PLCH1: variants seen among roughly 807,000 people sequenced by gnomAD.
PLCH1 encodes the protein 1-phosphatidylinositol 4,5-bisphosphate phosphodiesterase eta-1.
PLCH1 carries 60 observed loss-of-function variants against 126.7 expected under a neutral mutation model. The observed-to-expected ratio is 0.47, with a 90% CI of 0.38 to 0.59. PLCH1 has a LOEUF of 0.59. PLCH1 is among the 20% of genes least tolerant of loss of function. PLCH1 has a pLI of 0.00. For synonymous variants in PLCH1, 719 were observed against 734.9 expected (o/e 0.98, Z 0.35); for missense variants, 1,723 against 2,040.0 (o/e 0.84, Z 2.99).
At chr3:155,625,278 A>AC (rs1314546785) in intron 2 of PLCH1, among the ~76,000 whole-genome samples, 1 of 152,192 alleles carries the variant, frequency 6.6e-6, no homozygotes, top group Non-Finnish European at 1.5e-5. Context: ...AAGATCTAAA[A>AC]CCATAAAAAC....
intron 1 of PLCH1, among the ~76,000 whole-genome samples, chr3:155,710,343 T>C (rs1461227022): frequency 6.6e-6 from 1 of 152,222 alleles, no homozygotes; most frequent in Non-Finnish European, 1.5e-5. Context: ...CTTTATCAGA[T>C]ACATCTCTTG....
intron 1 of PLCH1, among the ~76,000 whole-genome samples, chr3:155,737,834 A>G (rs146180192): frequency 6.6e-6 from 1 of 152,240 alleles, no homozygotes; most frequent in African/African-American, 2.4e-5. Flanking sequence ...CAGAAGTTTT[A>G]TTAGCACTCC....
intron 8 of PLCH1, among the ~76,000 whole-genome samples, chr3:155,561,283 C>G (rs1267226451): frequency 3.9e-5 from 5 of 129,260 alleles, no homozygotes; most frequent in African/African-American, 1.4e-4. Context: ...CCCTCCCCCC[C>G]TCCCCCCACC....
At chr3:155,564,573 A>G (rs1045960739) in intron 8 of PLCH1, among the ~76,000 whole-genome samples, 1 of 152,074 alleles carries the variant, frequency 6.6e-6, no homozygotes, top group Non-Finnish European at 1.5e-5. Flanking sequence ...CAAAAAAAAT[A>G]AAAAATTAAA....
intron 6 of PLCH1, among the ~76,000 whole-genome samples, chr3:155,577,214 G>A (rs1055369338): frequency 4.6e-5 from 7 of 151,976 alleles, no homozygotes; most frequent in African/African-American, 1.2e-4. Context: ...ATCCATGATC[G>A]CACCCACTGC....
At chr3:155,640,529 A>T (rs1043467879) in intron 2 of PLCH1, among the ~76,000 whole-genome samples, 3 of 152,190 alleles carry the variant, frequency 2.0e-5, no homozygotes, top group Non-Finnish European at 4.4e-5. Context: ...ATGGAGGAAG[A>T]TTGCAATTAG....
intron 10 of PLCH1, among the ~76,000 whole-genome samples, chr3:155,544,549 T>A (rs2108414111): frequency 6.6e-6 from 1 of 152,324 alleles, no homozygotes; most frequent in East Asian, 1.9e-4. Context: ...AATAGACATC[T>A]ACAGAACTCT....
rs116461172 is a variant in PLCH1 at position 155,618,846 on chromosome 3, G to A, written c.80-22468C>T. On this transcript the variant is annotated intron_variant, in intron 2 of 22. Coordinates refer to ENST00000460012, the MANE Select transcript of PLCH1 (RefSeq NM_014996.4). ...TTGCCACAGGCCAGACCACCAAGTG[G>A]CCCATTACCCAAGATAACCATTGCA... 6.5e-3 allele frequency among the ~76,000 whole-genome samples: 985 copies of A among 152,174 alleles called. 16 individuals are homozygous for A. The highest frequency in any genetic ancestry group is 0.022 in the African/African-American group (931 of 41,514).
At chr3:155,559,389 TCAAATC>T (rs1727280527) in intron 8 of PLCH1, among the ~76,000 whole-genome samples, 1 of 151,652 alleles carries the variant, frequency 6.6e-6, no homozygotes, top group Non-Finnish European at 1.5e-5. Context: ...TACAATACAT[TCAAATC>T]CAAGGTGACA....
intron 21 of PLCH1, among the ~76,000 whole-genome samples, chr3:155,461,664 A>G (rs1712732783): frequency 6.6e-6 from 1 of 152,190 alleles, no homozygotes; most frequent in African/African-American, 2.4e-5. Flanking sequence ...CCTTGAGTCA[A>G]TTCAAAGAGA....
At chr3:155,594,297 C>T in intron 3 of PLCH1, 113 bp from the exon 4 acceptor site, 1 of 1,019,254 alleles carries the variant, frequency 9.8e-7, no homozygotes, top group Admixed American at 2.3e-5. Flanking sequence ...AAGTATGAGG[C>T]TGGGTGCTCA....
intron 10 of PLCH1, among the ~76,000 whole-genome samples, chr3:155,525,501 C>G (rs1721779292): frequency 6.6e-6 from 1 of 152,140 alleles, no homozygotes; most frequent in Non-Finnish European, 1.5e-5. Flanking sequence ...ACAAGTTGCC[C>G]AGTCCAAGGT....
intron 1 of PLCH1, among the ~76,000 whole-genome samples, chr3:155,713,269 AG>A (rs1327890673): frequency 6.6e-6 from 1 of 152,196 alleles, no homozygotes; most frequent in Non-Finnish European, 1.5e-5. Flanking sequence ...GAGAAGAGAC[AG>A]GAGGAGACAA....
chr3:155,602,562 T>C (rs185299404), intron 2 of PLCH1, among the ~76,000 whole-genome samples: 3 of 152,280 alleles, frequency 2.0e-5, no homozygotes, highest in East Asian at 1.9e-4. Context: ...CAGACCTAGA[T>C]TGCATAGCCT....
intron 6 of PLCH1, among the ~76,000 whole-genome samples, chr3:155,575,270 C>G (rs1729768575): frequency 6.6e-6 from 1 of 152,030 alleles, no homozygotes; most frequent in African/African-American, 2.4e-5. Flanking sequence ...GCAAAAGAGA[C>G]TATAATTATT....
intron 11 of PLCH1, among the ~76,000 whole-genome samples, chr3:155,520,413 G>A (rs979303382): frequency 5.9e-5 from 9 of 152,200 alleles, no homozygotes; most frequent in African/African-American, 2.2e-4. Flanking sequence ...ATTGCTACAT[G>A]TCACTGCACC....
chr3:155,596,274 G>A lies in PLCH1; in HGVS notation c.184C>T (p.Arg62Cys), dbSNP rs746401707. The A allele has an allele frequency of 1.8e-5, 29 of 1,613,022 alleles. No individual in the cohort carries two copies. Among genetic ancestry groups the A allele is most frequent in the Middle Eastern group, 1.6e-4 (1 of 6,080 alleles). ...TTCCTAGAGGGTCGCCATCGGAGGCGTGTCCGGTGCTCATCCAGGTAAAAG... is the reference window on the plus strand; with the variant it reads ...TTCCTAGAGGGTCGCCATCGGAGGCATGTCCGGTGCTCATCCAGGTAAAAG... Reference protein sequence around the residue: ...RLFYLDEHRTRLRWRPSRKSE... With the variant: ...RLFYLDEHRTCLRWRPSRKSE... The change falls in exon 3 of 23, where the codon CGC becomes TGC. Residue 62 changes from arginine to cysteine, a missense_variant. Physicochemically the swap from Arg to Cys is radical, Grantham distance 180. Around this residue, in one of 2 missense-constraint regions of PLCH1, gnomAD observed 776 missense variants for 1,062.9 expected, o/e 0.73. Transcript: ENST00000460012.
chr3:155,629,759 G>A (rs148724150), intron 2 of PLCH1, among the ~76,000 whole-genome samples: 3 of 152,076 alleles, frequency 2.0e-5, no homozygotes, highest in East Asian at 1.9e-4. Context: ...CAAACTCCTC[G>A]CCAGGGGCCT....
At chr3:155,731,960 C>T (rs1379847618) in intron 1 of PLCH1, among the ~76,000 whole-genome samples, 1 of 135,842 alleles carries the variant, frequency 7.4e-6, no homozygotes, top group African/African-American at 2.9e-5. Flanking sequence ...TCTATCCAGC[C>T]TGGGTGACAA....
Sources: gnomAD v4.1 joint callset for allele counts (sites outside exome capture counted in the v4.1 genomes callset) on GRCh38, gnomAD v4.1.1 for gene constraint, gnomAD v4.1.1 regional missense constraint, MANE v1.5 for transcripts, NCBI Gene and HGNC (gene_info 2026-07-23, HGNC 2026-07-21) for gene names.